The following ESYT2 variants were observed in gnomAD, a reference collection of about 807,000 sequenced individuals.
The protein encoded by ESYT2 is extended synaptotagmin 2.
A neutral mutation model predicts 107.2 loss-of-function variants in ESYT2; 54 were observed. The ratio of observed to expected loss-of-function variants is 0.50; its 90% confidence interval spans 0.40 to 0.63. The LOEUF (loss-of-function observed/expected upper bound fraction) is 0.63, where lower values mean the gene tolerates loss of function less well. ESYT2 is among the 30% of genes least tolerant of loss of function. ESYT2 has a pLI of 0.00. For synonymous variants in ESYT2, 491 were observed against 434.1 expected (o/e 1.13, Z -1.63); for missense variants, 1,020 against 1,094.5 (o/e 0.93, Z 0.96).
At position 158,737,119 on chromosome 7, in the gene ESYT2, T is replaced by A. The variant is rs1213655312; in HGVS notation, c.2328A>T (p.Pro776=). The A allele has an allele frequency of 6.2e-7, 1 of 1,614,110 alleles. No individual in the cohort carries two copies. Among genetic ancestry groups the A allele is most frequent in the Non-Finnish European group, 8.5e-7 (1 of 1,179,964 alleles). The change falls in exon 20 of 23, where the codon CCA becomes CCT. Residue 776 remains proline (P), a synonymous_variant. Coordinates refer to ENST00000275418, the MANE Select transcript of ESYT2 (RefSeq NM_001367773.1). The part of the protein sequence containing the change: ...SDPYVRMYLL[P]DKRRSGRRKT... ...TCCTCCTTCCTGACCGCCTCTTGTC[T>A]GGTAATAAATACATGCGGACATAGG...
intron 13 of ESYT2, among the ~76,000 whole-genome samples, chr7:158,756,981 A>G (rs1837780474): frequency 6.6e-6 from 1 of 152,132 alleles, no homozygotes; most frequent in African/African-American, 2.4e-5. Flanking sequence ...AACTTTACAA[A>G]AAAATTTACA....
intron 1 of ESYT2, among the ~76,000 whole-genome samples, chr7:158,815,398 G>T (rs1009007659): frequency 2.6e-5 from 4 of 152,090 alleles, no homozygotes; most frequent in Non-Finnish European, 5.9e-5. Flanking sequence ...CCCTGGGGTG[G>T]TTGTTCACAT....
chr7:158,793,602 C>T (rs781408739), intron 4 of ESYT2, 48 bp downstream of exon 4: 1 of 1,356,396 alleles, frequency 7.4e-7, no homozygotes, highest in East Asian at 2.3e-5. Context: ...AGCTAAGTGA[C>T]ATTACACGCC....
At chr7:158,741,274 C>T (rs947577269) in intron 18 of ESYT2, among the ~76,000 whole-genome samples, 1 of 152,224 alleles carries the variant, frequency 6.6e-6, no homozygotes, top group Non-Finnish European at 1.5e-5. Flanking sequence ...ACTGTGAAAC[C>T]TATTACTCCA....
chr7:158,740,188 G>T (rs1230394153), intron 18 of ESYT2, among the ~76,000 whole-genome samples: 1 of 152,192 alleles, frequency 6.6e-6, no homozygotes, highest in Non-Finnish European at 1.5e-5. Context: ...GGCTGTTCTA[G>T]AGAGGCTGGG....
Position 158,737,099 on chromosome 7 carries a change from C to T in ESYT2, c.2348G>A (p.Arg783Lys), listed in dbSNP as rs747048998. Reference sequence around the variant, plus strand: ...TTTCTTTGACACGTGTGTTTTCCTCCTTCCTGACCGCCTCTTGTCTGGTAA... The same window carrying T: ...TTTCTTTGACACGTGTGTTTTCCTCTTTCCTGACCGCCTCTTGTCTGGTAA... ...YLLPDKRRSG[R>K]RKTHVSKKTL... Residue 783 changes from arginine to lysine, a missense_variant, in exon 20 of 23, where the codon AGG becomes AAG. Transcript: ENST00000275418. The T allele has an allele frequency of 6.2e-7, 1 of 1,614,042 alleles. No individual in the cohort carries two copies. Among genetic ancestry groups the T allele is most frequent in the Non-Finnish European group, 8.5e-7 (1 of 1,179,928 alleles).
At chr7:158,787,432 C>T (rs1239266431) in intron 6 of ESYT2, among the ~76,000 whole-genome samples, 1 of 152,162 alleles carries the variant, frequency 6.6e-6, no homozygotes, top group East Asian at 1.9e-4. Context: ...GTGTACAGTT[C>T]ATTAAACACA....
chr7:158,796,168 A>G (rs62480285), intron 3 of ESYT2, among the ~76,000 whole-genome samples: 19,388 of 152,166 alleles, frequency 0.13, 1,392 homozygotes, highest in African/African-American at 0.2. Flanking sequence ...CAACGTGTGC[A>G]GACTGTGTGT....
Position 158,732,068 on chromosome 7 carries a change from CTT to C in ESYT2, c.*2137_*2138del, listed in dbSNP as rs1199213370. The C allele has an allele frequency of 6.6e-6, 1 of 152,244 alleles. No homozygotes were observed. Among genetic ancestry groups the C allele is most frequent in the Non-Finnish European group, 1.5e-5 (1 of 68,112 alleles). 9.4% of individuals were successfully genotyped at this position (152,244 alleles called of 1,614,324 possible). On this transcript the variant is annotated 3_prime_UTR_variant, in exon 23 of 23. Transcript: ENST00000275418. ...CTACCACTTCCTCTGGGCTTTGTACCTTTAATTGTGTCTACTCTGCCTAAGTG... is the reference window on the plus strand; with the variant it reads ...CTACCACTTCCTCTGGGCTTTGTACCTAATTGTGTCTACTCTGCCTAAGTG...
At chr7:158,778,122 T>C (rs1198261857) in intron 6 of ESYT2, among the ~76,000 whole-genome samples, 1 of 152,190 alleles carries the variant, frequency 6.6e-6, no homozygotes, top group Non-Finnish European at 1.5e-5. Flanking sequence ...CCACCTACCA[T>C]AGTCTTAATA....
intron 6 of ESYT2, among the ~76,000 whole-genome samples, chr7:158,785,928 A>G (rs1037627561): frequency 2.0e-5 from 3 of 152,228 alleles, no homozygotes; most frequent in African/African-American, 4.8e-5. Flanking sequence ...AATTTAAAAA[A>G]CCCACAAAAT....
In ESYT2 at chr7:158,737,112, T is replaced by TC; in HGVS notation, c.2334dup (p.Arg779GlufsTer20). 1 of 1,614,038 alleles carries TC rather than the reference T, an allele frequency of 6.2e-7. No homozygotes were observed. Among genetic ancestry groups the TC allele is most frequent in the Non-Finnish European group, 8.5e-7 (1 of 1,179,936 alleles). Reference sequence around the variant, plus strand: ...TGTGTTTTCCTCCTTCCTGACCGCCTCTTGTCTGGTAATAAATACATGCGG... The same window carrying TC: ...TGTGTTTTCCTCCTTCCTGACCGCCTCCTTGTCTGGTAATAAATACATGCGG... On this transcript the variant is annotated frameshift_variant, in exon 20 of 23. Coordinates refer to ENST00000275418, the MANE Select transcript of ESYT2 (RefSeq NM_001367773.1).
intron 4 of ESYT2, among the ~76,000 whole-genome samples, chr7:158,791,212 T>C (rs1377927976): frequency 6.6e-6 from 1 of 152,174 alleles, no homozygotes; most frequent in Non-Finnish European, 1.5e-5. Context: ...TGTCCCTTTG[T>C]GTCTGGCTTG....
intron 4 of ESYT2, among the ~76,000 whole-genome samples, chr7:158,791,799 T>C (rs1839301112): frequency 6.6e-6 from 1 of 152,200 alleles, no homozygotes; most frequent in Non-Finnish European, 1.5e-5. Flanking sequence ...ATTTCAGGAG[T>C]TCTCTATATA....
chr7:158,753,369 G>T (rs1346538786), intron 13 of ESYT2, among the ~76,000 whole-genome samples: 1 of 152,140 alleles, frequency 6.6e-6, no homozygotes, highest in Non-Finnish European at 1.5e-5. Context: ...GTAGGAGTCA[G>T]GCTGGCTGGA....
intron 4 of ESYT2, among the ~76,000 whole-genome samples, chr7:158,793,101 T>C (rs1044735800): frequency 7.3e-4 from 111 of 152,274 alleles, no homozygotes; most frequent in Non-Finnish European, 1.8e-4. Context: ...TTTTCTTATA[T>C]GGTTTTTATT....
intron 1 of ESYT2, among the ~76,000 whole-genome samples, chr7:158,800,686 A>T (rs552866757): frequency 1.5e-4 from 23 of 150,270 alleles, no homozygotes; most frequent in Admixed American, 1.3e-3. Context: ...CACTGTGCCC[A>T]GTCCACTTTT....
chr7:158,756,801 C>T (rs975490489), intron 13 of ESYT2, among the ~76,000 whole-genome samples: 25 of 150,888 alleles, frequency 1.7e-4, no homozygotes, highest in African/African-American at 4.6e-4. Context: ...CCCAGCTACT[C>T]GGGAGGCTGA....
chr7:158,774,888 G>A (rs1245392351), intron 6 of ESYT2, among the ~76,000 whole-genome samples: 1 of 152,166 alleles, frequency 6.6e-6, no homozygotes, highest in Non-Finnish European at 1.5e-5. Flanking sequence ...ATGAACTTCA[G>A]GAAAGGATGG....
Sources: gnomAD v4.1 joint callset for allele counts (sites outside exome capture counted in the v4.1 genomes callset) on GRCh38, gnomAD v4.1.1 for gene constraint, MANE v1.5 for transcripts, NCBI Gene and HGNC (gene_info 2026-07-23, HGNC 2026-07-21) for gene names.